PTPRD: variants seen among roughly 807,000 people sequenced by gnomAD.
PTPRD encodes the protein protein tyrosine phosphatase receptor type D.
A neutral mutation model predicts 214.5 loss-of-function variants in PTPRD; 34 were observed. The ratio of observed to expected loss-of-function variants is 0.16; its 90% CI spans 0.12 to 0.21. PTPRD has a LOEUF of 0.21. PTPRD is among the 10% of genes least tolerant of loss of function. The probability of loss-of-function intolerance (pLI) is 1.00; values close to 1 mark genes in which losing one functional copy is unlikely to be tolerated. For synonymous variants in PTPRD, 1,128 were observed against 845.7 expected (o/e 1.33, Z -5.79); for missense variants, 2,545 against 2,398.7 (o/e 1.06, Z -1.27).
chr9:9,765,831 T>A (rs952879862), intron 6 of PTPRD, among the ~76,000 whole-genome samples: 12 of 151,996 alleles, frequency 7.9e-5, no homozygotes, highest in Admixed American at 2.0e-4. Context: ...TGGCTAATTT[T>A]TTTTTTATTT....
intron 3 of PTPRD, among the ~76,000 whole-genome samples, chr9:10,267,499 A>G (rs756858153): frequency 1.1e-4 from 17 of 152,194 alleles, no homozygotes; most frequent in Non-Finnish European, 2.2e-4. Context: ...CTGATAGCAA[A>G]TGATTGACAC....
In PTPRD at chr9:8,319,454, T is replaced by TTCTC. The variant is rs1825127214; in HGVS notation, c.5670+376_5670+377insGAGA. On this transcript the variant is annotated intron_variant, in intron 45 of 45. Transcript: ENST00000381196. ...CCTCTGTAGGCATACAGAGGGAGAATGGAGAAGTTAAATGGGCTGAGATTA... is the reference window on the plus strand; with the variant it reads ...CCTCTGTAGGCATACAGAGGGAGAATTCTCGGAGAAGTTAAATGGGCTGAGATTA... 2.0e-5 allele frequency among the ~76,000 whole-genome samples: 3 copies of TTCTC among 151,870 alleles called. No individual in the cohort carries two copies. In the South Asian group the frequency reaches 6.2e-4, roughly 32 times the overall value.
intron 9 of PTPRD, among the ~76,000 whole-genome samples, chr9:9,211,363 T>C (rs2099948487): frequency 6.6e-6 from 1 of 152,142 alleles, no homozygotes. Context: ...GTGTCCTAAG[T>C]TTCTCATTAG....
intron 4 of PTPRD, among the ~76,000 whole-genome samples, chr9:10,000,720 G>A (rs777341540): frequency 4.6e-5 from 7 of 152,226 alleles, no homozygotes; most frequent in Non-Finnish European, 8.8e-5. Flanking sequence ...AGGCTGGCAA[G>A]TATTAACATG....
intron 11 of PTPRD, among the ~76,000 whole-genome samples, chr9:8,843,170 G>C (rs930576024): frequency 6.6e-6 from 1 of 152,182 alleles, no homozygotes; most frequent in African/African-American, 2.4e-5. Context: ...AAATCTGAGA[G>C]GAAAGGTGGA....
chr9:9,432,074 A>G lies in PTPRD; in HGVS notation c.-236-34592T>C, dbSNP rs1026478540. ...TAATAATAATAATAATAATAATAATAATAATAATAATAATAAAAGAAACAC... is the reference window on the plus strand; with the variant it reads ...TAATAATAATAATAATAATAATAATGATAATAATAATAATAAAAGAAACAC... On this transcript the variant is annotated intron_variant, in intron 8 of 45. Coordinates refer to ENST00000381196, the MANE Select transcript of PTPRD (RefSeq NM_002839.4). Among the ~76,000 whole-genome samples, 156 of 148,414 alleles carry G rather than the reference A, an allele frequency of 1.1e-3. 1 individual carries two copies. The highest frequency in any genetic ancestry group is 3.7e-3 in the African/African-American group (151 of 40,810).
At chr9:9,456,381 T>C (rs1050967338) in intron 8 of PTPRD, among the ~76,000 whole-genome samples, 2 of 151,884 alleles carry the variant, frequency 1.3e-5, no homozygotes, top group Non-Finnish European at 2.9e-5. Flanking sequence ...TTGCTTTAGA[T>C]AAAGATTAAA....
intron 39 of PTPRD, among the ~76,000 whole-genome samples, chr9:8,367,614 G>A (rs188582682): frequency 2.7e-4 from 41 of 152,220 alleles, no homozygotes; most frequent in African/African-American, 8.4e-4. Flanking sequence ...ACATTTTTCC[G>A]TGTTAAATAT....
intron 8 of PTPRD, among the ~76,000 whole-genome samples, chr9:9,440,297 A>T (rs4134448): frequency 0.49 from 75,120 of 151,980 alleles, 18,979 homozygotes; most frequent in African/African-American, 0.58. Flanking sequence ...TTATTTTTAA[A>T]TTATTTTTCC....
chr9:9,553,116 G>A (rs1301906673), intron 8 of PTPRD, among the ~76,000 whole-genome samples: 1 of 151,986 alleles, frequency 6.6e-6, no homozygotes, highest in African/African-American at 2.4e-5. Context: ...TAATGTCTGG[G>A]AAGATAGTTT....
At chr9:8,711,796 G>A (rs2098338693) in intron 12 of PTPRD, among the ~76,000 whole-genome samples, 1 of 152,150 alleles carries the variant, frequency 6.6e-6, no homozygotes, top group Non-Finnish European at 1.5e-5. Flanking sequence ...GTTTATTGTA[G>A]CTTCATTCAT....
intron 14 of PTPRD, among the ~76,000 whole-genome samples, chr9:8,542,020 G>A (rs1485398997): frequency 6.6e-6 from 1 of 152,004 alleles, no homozygotes; most frequent in African/African-American, 2.4e-5. Flanking sequence ...CAACTAGATG[G>A]AAGAGTTGTC....
intron 10 of PTPRD, among the ~76,000 whole-genome samples, chr9:9,071,755 T>G (rs1189108956): frequency 1.3e-5 from 2 of 152,166 alleles, no homozygotes; most frequent in Non-Finnish European, 2.9e-5. Context: ...AGGGCCCAGA[T>G]AAGCTATAAC....
At chr9:9,666,337 T>A (rs1473225072) in intron 7 of PTPRD, among the ~76,000 whole-genome samples, 1 of 151,922 alleles carries the variant, frequency 6.6e-6, no homozygotes, top group East Asian at 1.9e-4. Flanking sequence ...TTGTTTATTT[T>A]AAAAAGTAGT....
At chr9:10,459,143 C>G (rs112440107) in intron 2 of PTPRD, among the ~76,000 whole-genome samples, 1,817 of 152,180 alleles carry the variant, frequency 0.012, 33 homozygotes, top group African/African-American at 0.039. Context: ...GTAAGAACAT[C>G]TGGTGTTCGG....
chr9:9,614,673 A>G lies in PTPRD; in HGVS notation c.-286-39892T>C, dbSNP rs114907731. On this transcript the variant is annotated intron_variant, in intron 7 of 45. Transcript: ENST00000381196. ...CTTCAAATTATTTTGCAGTATATGC[A>G]TAGCTATCATGATGCTGATAGATAT... 9.5e-3 allele frequency among the ~76,000 whole-genome samples: 1,448 copies of G among 152,330 alleles called. 17 individuals are homozygous for G. Among genetic ancestry groups the G allele is most frequent in the African/African-American group, 0.033 (1,379 of 41,586 alleles).
At chr9:8,899,144 G>A (rs1413516121) in intron 11 of PTPRD, among the ~76,000 whole-genome samples, 3 of 152,074 alleles carry the variant, frequency 2.0e-5, no homozygotes, top group Non-Finnish European at 2.9e-5. Context: ...AAAAAAGATT[G>A]TTTATCTGCT....
rs1555530999 is a variant in PTPRD, at chr9:10,060,776, T to TTTTCTC, written c.-544-26987_-544-26986insGAGAAA. On this transcript the variant is annotated intron_variant, in intron 3 of 45. Coordinates refer to ENST00000381196, the MANE Select transcript of PTPRD (RefSeq NM_002839.4). Reference sequence around the variant, plus strand: ...TCAGCATACCAATCACAGGTCTTGCTTTTCTTTCTTTCTTTCTTTCTTTCT... The same window carrying TTTTCTC: ...TCAGCATACCAATCACAGGTCTTGCTTTTCTCTTTCTTTCTTTCTTTCTTTCTTTCT... 1.3e-3 allele frequency among the ~76,000 whole-genome samples: 172 copies of TTTTCTC among 132,156 alleles called. 7 individuals carry two copies. The highest frequency in any genetic ancestry group is 6.5e-3 in the African/African-American group (162 of 24,776). The allele number at this position is 132,156 out of a possible 152,430, so 86.7% of individuals were successfully genotyped here. A position where few individuals can be genotyped will look rare whatever the true frequency, so the allele number is the denominator to read the frequency against.
intron 2 of PTPRD, among the ~76,000 whole-genome samples, chr9:10,407,143 C>T (rs1924086): frequency 0.82 from 123,792 of 151,192 alleles, 50,874 homozygotes; most frequent in East Asian, 0.88. Flanking sequence ...GGCAGACATG[C>T]AGATAAGTGG....
Sources: allele counts gnomAD v4.1 joint callset (sites outside exome capture counted in the v4.1 genomes callset), GRCh38; gene constraint gnomAD v4.1.1; transcripts MANE v1.5; gene names NCBI Gene and HGNC (gene_info 2026-07-23, HGNC 2026-07-21).